The following MICAL3 variants were observed in gnomAD, a reference collection of about 807,000 sequenced individuals.
The protein encoded by MICAL3 is [F-actin]-monooxygenase MICAL3.
In MICAL3, 62 loss-of-function variants were observed where a neutral mutation model predicts 207.4. The observed-to-expected ratio is 0.30, with a 90% CI of 0.24 to 0.37. MICAL3 has a LOEUF of 0.37. Among genes scored for constraint, MICAL3 ranks in the 10% least tolerant of loss-of-function variants. The probability of loss-of-function intolerance (pLI) is 1.00; values close to 1 mark genes in which losing one functional copy is unlikely to be tolerated. For synonymous variants in MICAL3, 1,077 were observed against 1,069.3 expected, an observed-to-expected ratio of 1.01 and a Z score of -0.14; for missense variants, 2,368 against 2,635.6, an observed-to-expected ratio of 0.90 and a Z score of 2.22.
At chr22:17,838,270 A>T (rs1018411206) in intron 20 of MICAL3, among the ~76,000 whole-genome samples, 1 of 152,252 alleles carries the variant, frequency 6.6e-6, no homozygotes, top group Non-Finnish European at 1.5e-5. Context: ...CTGAATCAGA[A>T]ACTCAGCCCA....
intron 29 of MICAL3, among the ~76,000 whole-genome samples, chr22:17,800,990 C>A: frequency 6.6e-6 from 1 of 152,124 alleles, no homozygotes; most frequent in Non-Finnish European, 1.5e-5. Flanking sequence ...CAAGCAGCAG[C>A]CCCCACGTGG....
At chr22:17,810,253 G>A (rs560606034) in intron 28 of MICAL3, among the ~76,000 whole-genome samples, 2 of 149,372 alleles carry the variant, frequency 1.3e-5, no homozygotes, top group Admixed American at 1.3e-4. Context: ...TAGTAGAGAC[G>A]GGGGTTTCAC....
chr22:17,985,578 C>T (rs974714916), intron 1 of MICAL3, among the ~76,000 whole-genome samples: 12 of 152,126 alleles, frequency 7.9e-5, no homozygotes, highest in South Asian at 2.1e-4. Flanking sequence ...AAGTAAATGG[C>T]GCTTGTATTC....
At chr22:17,978,447 T>C (rs976877646) in intron 1 of MICAL3, among the ~76,000 whole-genome samples, 1 of 152,020 alleles carries the variant, frequency 6.6e-6, no homozygotes, top group Non-Finnish European at 1.5e-5. Flanking sequence ...ATGATAAAAA[T>C]GTTCTATAAT....
intron 1 of MICAL3, among the ~76,000 whole-genome samples, chr22:17,954,795 G>A (rs945945430): frequency 3.3e-4 from 50 of 150,864 alleles, no homozygotes; most frequent in Non-Finnish European, 7.1e-4. Flanking sequence ...CGCCCAGGCT[G>A]GAGTGTAGTG....
At chr22:17,984,445 C>T (rs369871488) in intron 1 of MICAL3, among the ~76,000 whole-genome samples, 3 of 152,236 alleles carry the variant, frequency 2.0e-5, no homozygotes, top group African/African-American at 4.8e-5. Context: ...ACGCAGACAC[C>T]GATGCAGAGC....
intron 1 of MICAL3, among the ~76,000 whole-genome samples, chr22:17,955,798 G>C (rs1483377846): frequency 1.3e-5 from 2 of 152,182 alleles, no homozygotes; most frequent in Non-Finnish European, 2.9e-5. Context: ...GGTGGAAATA[G>C]ATCTCATGCC....
At chr22:17,827,571 C>T (rs148837894) in intron 22 of MICAL3, 73 bp downstream of exon 22, 3 of 1,466,228 alleles carry the variant, frequency 2.0e-6, no homozygotes, top group South Asian at 2.7e-5. Flanking sequence ...GACAGAAAGG[C>T]CCCCTGTGGC....
At position 17,870,830 on chromosome 22, in the gene MICAL3, T is replaced by A. The variant is rs531532709; in HGVS notation, c.2428+1007A>T. 7.2e-4 allele frequency among the ~76,000 whole-genome samples: 110 copies of A among 152,330 alleles called. 1 individual carries two copies. Among genetic ancestry groups the A allele is most frequent in the African/African-American group, 2.6e-3 (107 of 41,574 alleles). On this transcript the variant is annotated intron_variant, in intron 17 of 31. Coordinates refer to ENST00000441493, the MANE Select transcript of MICAL3 (RefSeq NM_015241.3). ...AACATAGCAGAAGGGCCAGGCACCA[T>A]GACAGGAGTCAGCCTTTCTCGGCTC...
At chr22:17,894,009 G>A in intron 10 of MICAL3, 105 bp from the exon 11 acceptor site, 1 of 805,010 alleles carries the variant, frequency 1.2e-6, no homozygotes, top group South Asian at 1.5e-5. Context: ...ATAGAAGGCT[G>A]GGTAAAGTTC....
intron 19 of MICAL3, among the ~76,000 whole-genome samples, chr22:17,859,459 C>T (rs5992125): frequency 0.11 from 16,235 of 152,238 alleles, 1,030 homozygotes; most frequent in Admixed American, 0.2. Context: ...TGACAAAATG[C>T]GGGAACAGTG....
At chr22:17,906,971 T>A (rs1931768805) in intron 1 of MICAL3, 85 bp from the exon 2 acceptor site, 1 of 707,194 alleles carries the variant, frequency 1.4e-6, no homozygotes, top group Non-Finnish European at 2.3e-6. Context: ...AAAGCAGAGT[T>A]CTAAAGTGTC....
intron 29 of MICAL3, among the ~76,000 whole-genome samples, chr22:17,807,156 G>T (rs1322656694): frequency 1.3e-5 from 2 of 152,242 alleles, no homozygotes; most frequent in Non-Finnish European, 2.9e-5. Context: ...GTGATTTGTG[G>T]AGAAGGGCAA....
intron 1 of MICAL3, among the ~76,000 whole-genome samples, chr22:17,923,624 C>G (rs903037035): frequency 1.3e-5 from 2 of 152,228 alleles, no homozygotes; most frequent in Non-Finnish European, 2.9e-5. Flanking sequence ...CCTTGGTTTT[C>G]TAAAGCACTT....
intron 1 of MICAL3, among the ~76,000 whole-genome samples, chr22:17,994,610 G>T (rs533192271): frequency 2.2e-4 from 33 of 152,304 alleles, no homozygotes; most frequent in African/African-American, 7.5e-4. Flanking sequence ...CTACTCAGGA[G>T]GCTGAGGTTG....
At chr22:17,889,896 T>C (rs1193011876) in intron 12 of MICAL3, among the ~76,000 whole-genome samples, 2 of 152,218 alleles carry the variant, frequency 1.3e-5, no homozygotes, top group African/African-American at 4.8e-5. Flanking sequence ...TGTCAAAACA[T>C]GATACATCTC....
intron 1 of MICAL3, among the ~76,000 whole-genome samples, chr22:17,990,719 C>T (rs553285051): frequency 4.0e-4 from 61 of 152,296 alleles, no homozygotes; most frequent in Non-Finnish European, 5.9e-4. Context: ...GTCATCTAAC[C>T]TCACTGCGCC....
intron 1 of MICAL3, among the ~76,000 whole-genome samples, chr22:17,948,893 A>G (rs1242376769): frequency 2.4e-5 from 3 of 127,022 alleles, no homozygotes; most frequent in African/African-American, 9.5e-5. Context: ...AGCCTGGGTG[A>G]CAAAGTGAGA....
intron 17 of MICAL3, 142 bp downstream of exon 17, chr22:17,871,695 A>G: frequency 1.5e-6 from 1 of 678,874 alleles, no homozygotes; most frequent in Non-Finnish European, 2.4e-6. Flanking sequence ...ATGGAGGGAG[A>G]GGGGCAAGAA....
Sources: gnomAD v4.1 joint callset for allele counts (sites outside exome capture counted in the v4.1 genomes callset) on GRCh38, gnomAD v4.1.1 for gene constraint, MANE v1.5 for transcripts, NCBI Gene and HGNC (gene_info 2026-07-23, HGNC 2026-07-21) for gene names.